Variants in KCNH5 observed in about 807,000 individuals in gnomAD.
The protein encoded by KCNH5 is potassium voltage-gated channel subfamily H member 5.
KCNH5 carries 46 observed loss-of-function variants against 96.1 expected under a neutral mutation model. The ratio of observed to expected loss-of-function variants is 0.48; its 90% confidence interval spans 0.38 to 0.61. KCNH5 has a LOEUF of 0.61. KCNH5 is among the 20% of genes least tolerant of loss of function. The probability of loss-of-function intolerance (pLI) is 0.00; values close to 1 mark genes in which losing one functional copy is unlikely to be tolerated. For synonymous variants in KCNH5, 439 were observed against 449.8 expected (o/e 0.98, Z 0.30); for missense variants, 907 against 1,225.8 (o/e 0.74, Z 3.88).
chr14:62,928,404 G>A (rs117275517), intron 7 of KCNH5, among the ~76,000 whole-genome samples: 344 of 152,114 alleles, frequency 2.3e-3, no homozygotes, highest in Non-Finnish European at 4.2e-3. Context: ...GACAATTAAT[G>A]AGCACCTGAA....
intron 7 of KCNH5, among the ~76,000 whole-genome samples, chr14:62,865,795 T>G (rs1312301224): frequency 2.0e-5 from 3 of 152,238 alleles, no homozygotes; most frequent in Non-Finnish European, 4.4e-5. Flanking sequence ...AGAGCTACCT[T>G]GTGCATTGCT....
chr14:62,780,958 G>A (rs940419489), intron 9 of KCNH5, among the ~76,000 whole-genome samples: 3 of 151,964 alleles, frequency 2.0e-5, no homozygotes. Context: ...AAACCACAGA[G>A]GTGAGCAACT....
intron 10 of KCNH5, among the ~76,000 whole-genome samples, chr14:62,753,707 G>GA (rs1885554752): frequency 6.6e-6 from 1 of 151,844 alleles, no homozygotes; most frequent in South Asian, 2.1e-4. Flanking sequence ...AAGTACTAAA[G>GA]AAAAAAACCC....
chr14:62,943,728 G>C (rs549582740), intron 7 of KCNH5, among the ~76,000 whole-genome samples: 11 of 152,150 alleles, frequency 7.2e-5, no homozygotes, highest in Non-Finnish European at 1.2e-4. Flanking sequence ...GAATGGGGAG[G>C]ATGTGGCTAC....
chr14:62,947,197 C>A (rs937946715), intron 7 of KCNH5, among the ~76,000 whole-genome samples: 10 of 152,210 alleles, frequency 6.6e-5, no homozygotes, highest in African/African-American at 2.4e-4. Flanking sequence ...AAAAGGTTTT[C>A]TTTTTTAATC....
intron 2 of KCNH5, among the ~76,000 whole-genome samples, chr14:63,008,119 G>T (rs1317409903): frequency 6.6e-6 from 1 of 152,094 alleles, no homozygotes; most frequent in African/African-American, 2.4e-5. Flanking sequence ...GATTTTGAAA[G>T]ATCAAAAGTC....
chr14:62,992,048 T>G (rs886295177), intron 4 of KCNH5, among the ~76,000 whole-genome samples: 2 of 152,024 alleles, frequency 1.3e-5, no homozygotes, highest in Admixed American at 1.3e-4. Flanking sequence ...CACATTTTTT[T>G]AACACCCACT....
chr14:62,849,214 G>A (rs2144774), intron 8 of KCNH5, among the ~76,000 whole-genome samples: 5,177 of 152,104 alleles, frequency 0.034, 319 homozygotes, highest in African/African-American at 0.12. Context: ...TTTAGGTGGA[G>A]GACAGCATAG....
chr14:62,952,500 G>A (rs1361407317), intron 6 of KCNH5, among the ~76,000 whole-genome samples: 2 of 151,980 alleles, frequency 1.3e-5, no homozygotes, highest in Admixed American at 1.3e-4. Context: ...CTAAAGAAAC[G>A]CATAATCGAA....
intron 9 of KCNH5, among the ~76,000 whole-genome samples, chr14:62,792,275 C>A (rs894280020): frequency 6.6e-6 from 1 of 151,312 alleles, no homozygotes; most frequent in African/African-American, 2.4e-5. Context: ...TTCAGAGAAG[C>A]AAATAATAAT....
In KCNH5 at chr14:62,703,654, C is replaced by T. The variant is rs1566632111; in HGVS notation, c.*3854G>A. The T allele has an allele frequency of 6.6e-6, 1 of 151,774 alleles. No individual in the cohort carries two copies. The highest frequency in any genetic ancestry group is 1.5e-5 in the Non-Finnish European group (1 of 67,722). 9.4% of individuals were successfully genotyped at this position (151,774 alleles called of 1,614,324 possible). A position where few individuals can be genotyped will look rare whatever the true frequency, so the allele number is the denominator to read the frequency against. On this transcript the variant is annotated 3_prime_UTR_variant, in exon 11 of 11. Coordinates refer to ENST00000322893, the MANE Select transcript of KCNH5 (RefSeq NM_139318.5). ...GTGTTTTCCAAAAGACTGTTTTTGT[C>T]TTTTCCCCCTTTCCATTAAGATGAG... is the stretch of plus-strand genomic sequence containing the variant.
intron 10 of KCNH5, among the ~76,000 whole-genome samples, chr14:62,736,646 G>A (rs533668529): frequency 3.9e-5 from 6 of 152,130 alleles, no homozygotes; most frequent in South Asian, 4.2e-4. Context: ...CAACCCCACC[G>A]TAAAACTTCT....
chr14:63,041,911 C>G (rs1012452319), intron 1 of KCNH5, among the ~76,000 whole-genome samples: 1 of 152,120 alleles, frequency 6.6e-6, no homozygotes, highest in Non-Finnish European at 1.5e-5. Flanking sequence ...GAAACTGCAT[C>G]TGAGGAGTTT....
intron 9 of KCNH5, among the ~76,000 whole-genome samples, chr14:62,795,794 A>G (rs913777838): frequency 1.3e-5 from 2 of 152,148 alleles, no homozygotes; most frequent in Non-Finnish European, 2.9e-5. Flanking sequence ...TAAAAATAGG[A>G]GGTACTAAGA....
At chr14:62,987,571 C>T (rs1376927018) in intron 4 of KCNH5, among the ~76,000 whole-genome samples, 2 of 152,198 alleles carry the variant, frequency 1.3e-5, no homozygotes, top group Non-Finnish European at 2.9e-5. Flanking sequence ...CCCTGGTTCT[C>T]ACCAATGGAA....
rs138457221 is a variant in KCNH5 at position 62,862,470 on chromosome 14, A to G, written c.1370-12618T>C. Among the ~76,000 whole-genome samples, 39 of 152,266 alleles carry G rather than the reference A, an allele frequency of 2.6e-4. No individual in the cohort carries two copies. The East Asian group carries it at 7.0e-3, about 27-fold the overall frequency. On this transcript the variant is annotated intron_variant, in intron 7 of 10. Coordinates refer to ENST00000322893, the MANE Select transcript of KCNH5 (RefSeq NM_139318.5). ...TGGTGGGTTTAAAAACATTACCACA[A>G]ATTTTTCCTCTCTCGGTATGCAAAT...
rs1295764725 is a variant in KCNH5, at chr14:62,799,581, A to AG, written c.1822+2747_1822+2748insC. On this transcript the variant is annotated intron_variant, in intron 9 of 10. Transcript: ENST00000322893. ...AGAGTGAAACTCCGTCTCAAAAAAA[A>AG]AAAAAAAAAAAGCCAAAAAGAAAAA... Among the ~76,000 whole-genome samples, 5 of 145,988 alleles carry AG rather than the reference A, an allele frequency of 3.4e-5. No individual in the cohort carries two copies. The East Asian group carries it at 1.0e-3, about 29-fold the overall frequency.
intron 1 of KCNH5, among the ~76,000 whole-genome samples, chr14:63,035,458 T>A (rs1030034161): frequency 2.0e-5 from 3 of 152,236 alleles, no homozygotes; most frequent in Admixed American, 6.5e-5. Flanking sequence ...GAGCTAATTG[T>A]TCAAGAAAGA....
chr14:63,019,074 A>G (rs1046260147), intron 1 of KCNH5, among the ~76,000 whole-genome samples: 4 of 152,080 alleles, frequency 2.6e-5, no homozygotes, highest in African/African-American at 9.7e-5. Flanking sequence ...ATATCAAGCA[A>G]TCTAAAATAT....
Sources: allele counts gnomAD v4.1 joint callset (sites outside exome capture counted in the v4.1 genomes callset), GRCh38; gene constraint gnomAD v4.1.1; transcripts MANE v1.5; gene names NCBI Gene and HGNC (gene_info 2026-07-23, HGNC 2026-07-21).